The following TAFA1 variants were observed in gnomAD, a reference collection of about 807,000 sequenced individuals.
The protein encoded by TAFA1 is chemokine-like protein TAFA-1.
A neutral mutation model predicts 18.5 loss-of-function variants in TAFA1; 4 were observed. That is an observed-to-expected ratio of 0.22 (90% CI 0.11 to 0.49). TAFA1 has a LOEUF of 0.49. Among genes scored for constraint, TAFA1 ranks in the 20% least tolerant of loss-of-function variants. The pLI, the probability that TAFA1 is intolerant of heterozygous loss-of-function variation, is 0.98. For missense variants in TAFA1, 147 were observed against 169.0 expected, an observed-to-expected ratio of 0.87 and a Z score of 0.72; for synonymous variants, 56 against 55.2, an observed-to-expected ratio of 1.01 and a Z score of -0.06.
intron 2 of TAFA1, among the ~76,000 whole-genome samples, chr3:68,119,364 G>A (rs2065360812): frequency 6.6e-6 from 1 of 150,928 alleles, no homozygotes; most frequent in Non-Finnish European, 1.5e-5. Flanking sequence ...TTTTCCTTTG[G>A]TGCATATAAG....
Position 68,224,896 on chromosome 3 carries a change from C to CTTTT in TAFA1, c.119-192357_119-192354dup, listed in dbSNP as rs71112624. 1.5e-4 allele frequency among the ~76,000 whole-genome samples: 7 copies of CTTTT among 46,368 alleles called. 2 individuals are homozygous for CTTTT. The East Asian group carries it at 3.5e-3, about 23-fold the overall frequency. The allele number at this position is 46,368 out of a possible 152,430, so 30.4% of individuals were successfully genotyped here. ...TTTCCAAAACGTTTGGCTTGTGGCA[C>CTTTT]TTTTTTTTTTTTTTTTTTTTTTTTT... On this transcript the variant is annotated intron_variant, in intron 2 of 4. Coordinates refer to ENST00000478136, the MANE Select transcript of TAFA1 (RefSeq NM_213609.4).
rs145249629 is a variant in TAFA1 at position 68,165,538 on chromosome 3, A to G, written c.118+158794A>G. Among the ~76,000 whole-genome samples, 6 of 152,320 alleles carry G rather than the reference A, an allele frequency of 3.9e-5. No homozygotes were observed. The East Asian group carries it at 1.2e-3, about 29-fold the overall frequency. On this transcript the variant is annotated intron_variant, in intron 2 of 4. Coordinates refer to ENST00000478136, the MANE Select transcript of TAFA1 (RefSeq NM_213609.4). ...TGCTACATACCAGCTATTTTGCTCTACTCTGCAGATATAAAAGGCAAAGAA... is the reference window on the plus strand; with the variant it reads ...TGCTACATACCAGCTATTTTGCTCTGCTCTGCAGATATAAAAGGCAAAGAA...
intron 2 of TAFA1, among the ~76,000 whole-genome samples, chr3:68,301,558 G>A (rs1272987411): frequency 6.6e-6 from 1 of 152,170 alleles, no homozygotes; most frequent in Non-Finnish European, 1.5e-5. Context: ...CAGATGGTGA[G>A]GAGTAAAGTG....
chr3:68,047,529 T>C (rs139856724), intron 2 of TAFA1, among the ~76,000 whole-genome samples: 1 of 152,252 alleles, frequency 6.6e-6, no homozygotes, highest in Non-Finnish European at 1.5e-5. Flanking sequence ...TATTCTTTCT[T>C]TTGGAAATGC....
intron 2 of TAFA1, among the ~76,000 whole-genome samples, chr3:68,168,117 T>A (rs1439571505): frequency 7.1e-6 from 1 of 139,956 alleles, no homozygotes; most frequent in East Asian, 2.1e-4. Context: ...GTCTGTTTAT[T>A]TGTCCTAATA....
chr3:68,241,792 T>C (rs906967816), intron 2 of TAFA1, among the ~76,000 whole-genome samples: 1 of 152,184 alleles, frequency 6.6e-6, no homozygotes, highest in Admixed American at 6.5e-5. Flanking sequence ...TCAAAGGTTT[T>C]ATTTTTCATC....
chr3:68,539,684 G>GC (rs1263421019), intron 4 of TAFA1, among the ~76,000 whole-genome samples: 2 of 53,672 alleles, frequency 3.7e-5, no homozygotes, highest in Non-Finnish European at 6.9e-5. Context: ...TGTGTGGGGG[G>GC]GCATGGGGTG....
At chr3:68,462,000 G>T (rs2071791562) in intron 3 of TAFA1, among the ~76,000 whole-genome samples, 1 of 152,028 alleles carries the variant, frequency 6.6e-6, no homozygotes, top group Admixed American at 6.6e-5. Flanking sequence ...TGATTGTGAG[G>T]CATTGATAAA....
At chr3:68,524,679 G>GT (rs368078839) in intron 3 of TAFA1, among the ~76,000 whole-genome samples, 28,571 of 149,906 alleles carry the variant, frequency 0.19, 3,151 homozygotes, top group South Asian at 0.37. Flanking sequence ...TTTTGTTTTT[G>GT]TTTTTTTTTG....
In TAFA1 at chr3:68,478,444, C is replaced by T. The variant is rs554531804; in HGVS notation, c.260-60312C>T. Among the ~76,000 whole-genome samples, 4 of 152,292 alleles carry T rather than the reference C, an allele frequency of 2.6e-5. No individual in the cohort carries two copies. In the South Asian group the frequency reaches 6.2e-4, roughly 24 times the overall value. On this transcript the variant is annotated intron_variant, in intron 3 of 4. Transcript: ENST00000478136. ...AAAAAAAACAAGTAAAAATTACTTTCAGTAAGGCTTAGAGTCTGCAAAATA... is the reference window on the plus strand; with the variant it reads ...AAAAAAAACAAGTAAAAATTACTTTTAGTAAGGCTTAGAGTCTGCAAAATA...
chr3:68,287,742 A>G (rs1110841), intron 2 of TAFA1, among the ~76,000 whole-genome samples: 1,695 of 152,206 alleles, frequency 0.011, 18 homozygotes, highest in African/African-American at 0.038. Flanking sequence ...CGCACTATAT[A>G]AACTTCCAAT....
chr3:68,419,063 G>A (rs1011287587), intron 3 of TAFA1, among the ~76,000 whole-genome samples: 5 of 152,048 alleles, frequency 3.3e-5, no homozygotes, highest in Admixed American at 6.6e-5. Context: ...TTGTTTCCTC[G>A]CCTCGTGAAC....
At chr3:68,155,273 G>A (rs2065853698) in intron 2 of TAFA1, among the ~76,000 whole-genome samples, 1 of 152,136 alleles carries the variant, frequency 6.6e-6, no homozygotes, top group South Asian at 2.1e-4. Context: ...CTATAACTAT[G>A]ACATTCTCAG....
At chr3:68,236,743 G>A (rs187964338) in intron 2 of TAFA1, among the ~76,000 whole-genome samples, 29 of 152,246 alleles carry the variant, frequency 1.9e-4, no homozygotes, top group African/African-American at 6.3e-4. Flanking sequence ...GAATGTCCCT[G>A]CCTGGTCATA....
intron 2 of TAFA1, among the ~76,000 whole-genome samples, chr3:68,260,663 A>C (rs1296928005): frequency 1.3e-5 from 2 of 152,212 alleles, no homozygotes; most frequent in African/African-American, 4.8e-5. Flanking sequence ...AAAACAAGAA[A>C]TAGGGAAAGG....
chr3:68,116,951 A>G (rs2065331785), intron 2 of TAFA1, among the ~76,000 whole-genome samples: 2 of 152,224 alleles, frequency 1.3e-5, no homozygotes. Context: ...TGCAAAACCT[A>G]AAGTATTTAC....
chr3:68,016,334 A>G lies in TAFA1; in HGVS notation c.118+9590A>G, dbSNP rs1456226500. ...CATAAAATTATAATACCATATTTTT[A>G]CCGTACCTTTTCTAGGTTTAGTTAG... On this transcript the variant is annotated intron_variant, in intron 2 of 4. Transcript: ENST00000478136. Among the ~76,000 whole-genome samples, 95 of 152,114 alleles carry G rather than the reference A, an allele frequency of 6.2e-4. 2 individuals carry two copies. Among genetic ancestry groups the G allele is most frequent in the Non-Finnish European group, 2.9e-5 (2 of 68,006 alleles).
At chr3:68,489,804 A>C (rs2106677973) in intron 3 of TAFA1, among the ~76,000 whole-genome samples, 1 of 148,504 alleles carries the variant, frequency 6.7e-6, no homozygotes, top group Non-Finnish European at 1.5e-5. Flanking sequence ...TTAAGAAACC[A>C]GTGAAAAGTT....
rs371432537 is a variant in TAFA1, at chr3:68,544,474, C to A, written c.385-12C>A. ...TGTTCTCCCTGAAATGTCTGTCTTT[C>A]TTTGGTTTCAGATTCACCCAAGAAC... On this transcript the variant is annotated splice_polypyrimidine_tract_variant and intron_variant, in intron 4 of 4. Transcript: ENST00000478136. The A allele has an allele frequency of 1.9e-6, 3 of 1,612,090 alleles. No homozygotes were observed. In the African/African-American group the frequency reaches 4.0e-5, roughly 22 times the overall value.
Sources: gnomAD v4.1 joint callset for allele counts (sites outside exome capture counted in the v4.1 genomes callset) on GRCh38, gnomAD v4.1.1 for gene constraint, MANE v1.5 for transcripts, NCBI Gene and HGNC (gene_info 2026-07-23, HGNC 2026-07-21) for gene names.